RARB: variants seen among roughly 807,000 people sequenced by gnomAD.
RARB encodes the protein retinoic acid receptor beta.
A neutral mutation model predicts 51.9 loss-of-function variants in RARB; 17 were observed. The observed-to-expected ratio is 0.33, with a 90% confidence interval of 0.22 to 0.49. RARB has a LOEUF of 0.49. RARB is among the 20% of genes least tolerant of loss of function. The pLI, the probability that RARB is intolerant of heterozygous loss-of-function variation, is 0.99. For synonymous variants in RARB, 215 were observed against 195.4 expected (o/e 1.10, Z -0.84); for missense variants, 369 against 550.8 (o/e 0.67, Z 3.30).
intron 2 of RARB, among the ~76,000 whole-genome samples, chr3:25,057,312 A>G (rs1026225261): frequency 1.3e-5 from 2 of 152,060 alleles, no homozygotes; most frequent in African/African-American, 4.8e-5. Context: ...ATGCTCCATC[A>G]TTAAGGGACT....
chr3:24,878,209 C>A (rs1703083910), intron 2 of RARB, among the ~76,000 whole-genome samples: 1 of 69,128 alleles, frequency 1.4e-5, no homozygotes, highest in African/African-American at 9.5e-5. Flanking sequence ...ATAGCCAAAC[C>A]ATTTTTTTTT....
intron 5 of RARB, among the ~76,000 whole-genome samples, chr3:25,403,716 G>C (rs1196775520): frequency 6.6e-6 from 1 of 151,648 alleles, no homozygotes; most frequent in African/African-American, 2.4e-5. Context: ...AACTTTTTCA[G>C]CTTTTTGGAT....
intron 1 of RARB, among the ~76,000 whole-genome samples, chr3:25,436,024 TTAC>T (rs1344905879): frequency 6.6e-6 from 1 of 152,242 alleles, no homozygotes; most frequent in Non-Finnish European, 1.5e-5. Flanking sequence ...TCCATTAATT[TTAC>T]TACATTTGTT....
intron 2 of RARB, among the ~76,000 whole-genome samples, chr3:24,914,353 G>A (rs1275687409): frequency 1.3e-5 from 2 of 152,130 alleles, no homozygotes; most frequent in African/African-American, 2.4e-5. Context: ...TTTTAAAGGT[G>A]GGGATTGCTG....
chr3:25,365,199 CTTTTTTTTTTTTTTTT>C (rs3035063), intron 5 of RARB, among the ~76,000 whole-genome samples: 8 of 75,456 alleles, frequency 1.1e-4, no homozygotes, highest in East Asian at 5.3e-4. Flanking sequence ...TTCTTTCTTT[CTTTTTTTTTTTTTTTT>C]TTTTTTTTTT....
chr3:25,171,440 A>ATTTT lies in RARB; in HGVS notation c.-279-2661_-279-2658dup, dbSNP rs1157902711. 5.9e-3 allele frequency among the ~76,000 whole-genome samples: 191 copies of ATTTT among 32,216 alleles called. 36 individuals carry two copies. The highest frequency in any genetic ancestry group is 0.02 in the African/African-American group (128 of 6,368). The allele number at this position is 32,216 out of a possible 152,430, so 21.1% of individuals were successfully genotyped here. A position where few individuals can be genotyped will look rare whatever the true frequency, so the allele number is the denominator to read the frequency against. On this transcript the variant is annotated intron_variant, in intron 4 of 11. Transcript: ENST00000383772. ...ATGTCGGGATTTTCTCGACACATTG[A>ATTTT]TTTTTTTTTTTTTTTTTTTTTGCCT...
At chr3:25,526,473 G>T (rs1365007335) in intron 3 of RARB, among the ~76,000 whole-genome samples, 6 of 152,164 alleles carry the variant, frequency 3.9e-5, no homozygotes, top group African/African-American at 1.4e-4. Flanking sequence ...AATGGAAGTG[G>T]GGTGGTTAGT....
At chr3:25,488,868 T>A (rs2125589970) in intron 2 of RARB, among the ~76,000 whole-genome samples, 1 of 152,322 alleles carries the variant, frequency 6.6e-6, no homozygotes, top group Non-Finnish European at 1.5e-5. Context: ...AATTGAAAAC[T>A]GGAGAACAAT....
intron 1 of RARB, among the ~76,000 whole-genome samples, chr3:24,838,721 C>A (rs1366333098): frequency 1.3e-5 from 2 of 152,044 alleles, no homozygotes; most frequent in Non-Finnish European, 2.9e-5. Context: ...CATTCAAATG[C>A]CTTCAGGAGT....
At chr3:25,214,533 A>G (rs1163342595) in intron 5 of RARB, among the ~76,000 whole-genome samples, 2 of 152,242 alleles carry the variant, frequency 1.3e-5, no homozygotes, top group African/African-American at 2.4e-5. Context: ...ATCCATTTGT[A>G]TAAGTCTGTA....
chr3:25,148,070 C>T (rs1700223427), intron 4 of RARB, among the ~76,000 whole-genome samples: 1 of 152,200 alleles, frequency 6.6e-6, no homozygotes, highest in Non-Finnish European at 1.5e-5. Flanking sequence ...ACCCTTTTGC[C>T]ACTTAAACCA....
At chr3:24,912,188 G>GA (rs1045450952) in intron 2 of RARB, among the ~76,000 whole-genome samples, 1 of 152,132 alleles carries the variant, frequency 6.6e-6, no homozygotes, top group African/African-American at 2.4e-5. Flanking sequence ...AGGCAGGGGG[G>GA]AAATGTGGCT....
At chr3:25,355,679 C>T (rs1030869386) in intron 5 of RARB, among the ~76,000 whole-genome samples, 3 of 152,066 alleles carry the variant, frequency 2.0e-5, no homozygotes, top group African/African-American at 7.2e-5. Context: ...TAAATATAAT[C>T]ATGTGTTATC....
At chr3:25,573,300 G>A (rs576638152) in intron 4 of RARB, among the ~76,000 whole-genome samples, 140 of 152,294 alleles carry the variant, frequency 9.2e-4, no homozygotes, top group African/African-American at 3.2e-3. Context: ...AGGCTTCCCT[G>A]CAGGCCTCCA....
chr3:25,116,453 T>C lies in RARB; in HGVS notation c.-327-15708T>C, dbSNP rs186941706. Among the ~76,000 whole-genome samples, 455 of 151,830 alleles carry C rather than the reference T, an allele frequency of 3.0e-3. 2 individuals carry two copies. The highest frequency in any genetic ancestry group is 0.01 in the African/African-American group (429 of 41,404). On this transcript the variant is annotated intron_variant, in intron 3 of 11. Coordinates refer to the RARB transcript ENST00000383772. The stretch of plus-strand genomic sequence containing the variant: ...TTACAAAAAAAACGAGTCGAGAATA[T>C]AGGAAAATAAAGGAAAGCCAGGATA...
At chr3:25,170,580 T>C (rs1368807719) in intron 4 of RARB, among the ~76,000 whole-genome samples, 1 of 152,254 alleles carries the variant, frequency 6.6e-6, no homozygotes, top group African/African-American at 2.4e-5. Context: ...GTAAGTATTA[T>C]GTTTATAAAA....
chr3:25,517,157 T>C (rs1359936929), intron 3 of RARB, among the ~76,000 whole-genome samples: 1 of 152,206 alleles, frequency 6.6e-6, no homozygotes, highest in Non-Finnish European at 1.5e-5. Flanking sequence ...TCAAAACTAA[T>C]GGGGTTGGTT....
chr3:25,387,728 G>A (rs1410838849), intron 5 of RARB, among the ~76,000 whole-genome samples: 1 of 151,998 alleles, frequency 6.6e-6, no homozygotes, highest in Non-Finnish European at 1.5e-5. Context: ...ACATAATGAG[G>A]TCTCACTTCA....
intron 5 of RARB, among the ~76,000 whole-genome samples, chr3:25,230,453 C>T (rs527353038): frequency 6.6e-6 from 1 of 152,106 alleles, no homozygotes; most frequent in Admixed American, 6.6e-5. Flanking sequence ...AGCATAATGT[C>T]CTATTCACCA....
Sources: gnomAD v4.1 joint callset for allele counts (sites outside exome capture counted in the v4.1 genomes callset) on GRCh38, gnomAD v4.1.1 for gene constraint, MANE v1.5 for transcripts, NCBI Gene and HGNC (gene_info 2026-07-23, HGNC 2026-07-21) for gene names.